The following ZNF682 variants were observed in gnomAD, a reference collection of about 807,000 sequenced individuals.
ZNF682 encodes zinc finger protein 682.
In ZNF682, 29 loss-of-function variants were observed where a neutral mutation model predicts 36.5. The observed-to-expected ratio is 0.80, with a 90% CI of 0.59 to 1.08. ZNF682 has a LOEUF of 1.08. ZNF682 is among the 50% of genes least tolerant of loss of function. The pLI, the probability that ZNF682 is intolerant of heterozygous loss-of-function variation, is 0.00. For synonymous variants in ZNF682, 180 were observed against 197.0 expected (o/e 0.91, Z 0.72); for missense variants, 561 against 579.7 (o/e 0.97, Z 0.33).
At chr19:20,034,376 T>G (rs952826996) in intron 1 of ZNF682, 1 of 152,238 alleles carries the variant, frequency 6.6e-6, no homozygotes, top group African/African-American at 2.4e-5. Context: ...ATTGGAATTA[T>G]ATCTGAGCTT....
Position 20,010,417 on chromosome 19 carries a change from T to C in ZNF682, c.227-3142A>G, listed in dbSNP as rs531669294. 1.5e-4 allele frequency among the ~76,000 whole-genome samples: 23 copies of C among 152,176 alleles called. 1 individual carries two copies. Among genetic ancestry groups the C allele is most frequent in the African/African-American group, 5.5e-4 (23 of 41,528 alleles). Reference sequence around the variant, plus strand: ...GCTCATGCTTGTAATCCCAGCGCTTTGGGAGGCTGAGGCAGGTGGATCACC... The same window carrying C: ...GCTCATGCTTGTAATCCCAGCGCTTCGGGAGGCTGAGGCAGGTGGATCACC... On this transcript the variant is annotated intron_variant, in intron 3 of 3. Transcript: ENST00000397165.
rs866232631 is a variant in ZNF682 at position 20,034,777 on chromosome 19, A to G, written c.3+4566T>C. Among the ~76,000 whole-genome samples the G allele has an allele frequency of 3.1e-3, 248 of 78,860 alleles. 1 individual carries two copies. The highest frequency in any genetic ancestry group is 0.031 in the African/African-American group (240 of 7,776). The allele number at this position is 78,860 out of a possible 152,430, so 51.7% of individuals were successfully genotyped here. On this transcript the variant is annotated intron_variant, in intron 1 of 3. Coordinates refer to ENST00000397165, the MANE Select transcript of ZNF682 (RefSeq NM_033196.3). ...CAACAAGAGCAAAACTCCATCTCAA[A>G]AAAAAAAAAAAGAAAAAAGAAAGAA... is the stretch of plus-strand genomic sequence containing the variant.
At chr19:20,022,954 TG>T (rs1256031990) in intron 3 of ZNF682, 49 bp downstream of exon 3, 7 of 1,485,566 alleles carry the variant, frequency 4.7e-6, no homozygotes, top group Non-Finnish European at 6.5e-6. Flanking sequence ...TCTTCCTTCT[TG>T]GCCTTTGGAG....
At chr19:20,027,597 T>C (rs1387633904) in intron 1 of ZNF682, among the ~76,000 whole-genome samples, 1 of 152,044 alleles carries the variant, frequency 6.6e-6, no homozygotes, top group Non-Finnish European at 1.5e-5. Flanking sequence ...TTGTCTCTAC[T>C]AAAAATACAA....
chr19:20,027,865 G>T (rs1440162787), intron 1 of ZNF682, among the ~76,000 whole-genome samples: 2 of 151,944 alleles, frequency 1.3e-5, no homozygotes, highest in African/African-American at 2.4e-5. Flanking sequence ...AGTGAGCCAA[G>T]ATCGCGCCAC....
At chr19:19,998,041 C>G (rs1261736077) in intron 3 of ZNF682, among the ~76,000 whole-genome samples, 9 of 152,202 alleles carry the variant, frequency 5.9e-5, no homozygotes, top group Non-Finnish European at 1.5e-5. Flanking sequence ...CTTAGCCAGT[C>G]TTTCCCTTAC....
At chr19:20,017,892 C>T (rs1158240366) in intron 3 of ZNF682, among the ~76,000 whole-genome samples, 1 of 151,880 alleles carries the variant, frequency 6.6e-6, no homozygotes, top group Non-Finnish European at 1.5e-5. Context: ...GAAGTAAAAC[C>T]GTAAATCCAA....
chr19:20,027,902 C>T (rs990864464), intron 1 of ZNF682, among the ~76,000 whole-genome samples: 6 of 152,020 alleles, frequency 3.9e-5, no homozygotes, highest in Non-Finnish European at 7.4e-5. Context: ...GCCTGGGTGA[C>T]GGAGTGAGAC....
chr19:20,016,516 A>T (rs1320979352), intron 3 of ZNF682, among the ~76,000 whole-genome samples: 2 of 152,208 alleles, frequency 1.3e-5, no homozygotes, highest in African/African-American at 2.4e-5. Context: ...AGTATTTTTT[A>T]AAAAAACAAA....
At chr19:20,027,066 C>A (rs546875336) in intron 1 of ZNF682, among the ~76,000 whole-genome samples, 1 of 152,318 alleles carries the variant, frequency 6.6e-6, no homozygotes, top group East Asian at 1.9e-4. Flanking sequence ...TGAGCTGGGA[C>A]ACATTCACCT....
At chr19:20,028,035 A>G (rs2088447294) in intron 1 of ZNF682, among the ~76,000 whole-genome samples, 1 of 152,198 alleles carries the variant, frequency 6.6e-6, no homozygotes, top group Admixed American at 6.5e-5. Context: ...GGATGCTTCC[A>G]CCCAGGCCAA....
chr19:20,037,560 T>A (rs1287969740), intron 1 of ZNF682, among the ~76,000 whole-genome samples: 1 of 150,674 alleles, frequency 6.6e-6, no homozygotes, highest in Non-Finnish European at 1.5e-5. Flanking sequence ...GACTCAGATG[T>A]CAAGTCAAGC....
At chr19:19,997,877 C>A (rs2122277980) in intron 3 of ZNF682, among the ~76,000 whole-genome samples, 1 of 152,310 alleles carries the variant, frequency 6.6e-6, no homozygotes, top group Non-Finnish European at 1.5e-5. Flanking sequence ...GTGGTGAGAG[C>A]CTTCTGGGTT....
At chr19:20,003,190 C>CAAAAAAAAAAAAAAAAAAAAA (rs755953644), downstream of ZNF682, among the ~76,000 whole-genome samples, 1 of 33,084 alleles carries the variant, frequency 3.0e-5, no homozygotes, top group Non-Finnish European at 4.6e-5. Flanking sequence ...GACTCCGTCT[C>CAAAAAAAAAAAAAAAAAAAAA]AAAAAAAAAA....
chr19:20,003,734 G>C (rs746025173), downstream of ZNF682, among the ~76,000 whole-genome samples: 1 of 151,654 alleles, frequency 6.6e-6, no homozygotes, highest in African/African-American at 2.4e-5. Flanking sequence ...TTATGCATTA[G>C]GTCTACTATC....
At position 20,023,005 on chromosome 19, in the gene ZNF682, T is replaced by A; in HGVS notation, c.225A>T (p.Pro75=). ...ATGTGTTTCATTCATCCAACCTACC[T>A]GGGGGTTTGGCTATGGTCTCATGTC... ...VKRHETIAKP[P]AMSSHYTEDL... Residue 75 remains proline, a splice_region_variant and synonymous_variant, in exon 3 of 4, where the codon CCA becomes CCT. Coordinates refer to ENST00000397165, the MANE Select transcript of ZNF682 (RefSeq NM_033196.3). The A allele has an allele frequency of 6.2e-7, 1 of 1,612,856 alleles. No individual in the cohort carries two copies. Among genetic ancestry groups the A allele is most frequent in the Non-Finnish European group, 8.5e-7 (1 of 1,179,186 alleles).
intron 1 of ZNF682, 110 bp from the exon 2 acceptor site, chr19:20,024,486 TCTG>T: frequency 7.9e-7 from 1 of 1,264,452 alleles, no homozygotes. Flanking sequence ...AATTATTCAA[TCTG>T]CTATTTTTAA....
At chr19:20,030,452 C>G (rs2088470365) in intron 1 of ZNF682, among the ~76,000 whole-genome samples, 1 of 152,078 alleles carries the variant, frequency 6.6e-6, no homozygotes, top group South Asian at 2.1e-4. Context: ...CGCCTGTAAT[C>G]CCAGCTACTC....
At chr19:20,026,006 T>A (rs945982982) in intron 1 of ZNF682, among the ~76,000 whole-genome samples, 3 of 152,058 alleles carry the variant, frequency 2.0e-5, no homozygotes, top group Admixed American at 1.3e-4. Context: ...TGTGCATTTT[T>A]AAAATCCTGT....
Sources: gnomAD v4.1 joint callset for allele counts (sites outside exome capture counted in the v4.1 genomes callset) on GRCh38, gnomAD v4.1.1 for gene constraint, MANE v1.5 for transcripts, NCBI Gene and HGNC (gene_info 2026-07-23, HGNC 2026-07-21) for gene names.